The following ASB2 variants were observed in gnomAD, a reference collection of about 807,000 sequenced individuals.
The protein encoded by ASB2 is ankyrin repeat and SOCS box containing 2, also known as ankyrin repeat and SOCS box protein 2.
A neutral mutation model predicts 62.4 loss-of-function variants in ASB2; 58 were observed. The ratio of observed to expected loss-of-function variants is 0.93; its 90% CI spans 0.75 to 1.16. ASB2 has a LOEUF of 1.16. Among genes scored for constraint, ASB2 ranks in the 50% most tolerant of loss-of-function variants. The pLI, the probability that ASB2 is intolerant of heterozygous loss-of-function variation, is 0.00. For missense variants in ASB2, 928 were observed against 887.9 expected, an observed-to-expected ratio of 1.05 and a Z score of -0.57; for synonymous variants, 386 against 385.3, an observed-to-expected ratio of 1.00 and a Z score of -0.02.
At chr14:93,967,957 T>C (rs779205457) in intron 1 of ASB2, among the ~76,000 whole-genome samples, 2 of 152,212 alleles carry the variant, frequency 1.3e-5, no homozygotes, top group Non-Finnish European at 2.9e-5. Context: ...GATAAGCTAC[T>C]TCGCTATGCT....
At chr14:93,952,445 C>A (rs546252995) in intron 5 of ASB2, among the ~76,000 whole-genome samples, 16 of 152,306 alleles carry the variant, frequency 1.1e-4, no homozygotes, top group Admixed American at 7.2e-4. Context: ...TCCTGCTGCC[C>A]AAGCTGTTCC....
At chr14:93,948,865 G>C (rs748571317) in intron 6 of ASB2, among the ~76,000 whole-genome samples, 3 of 152,250 alleles carry the variant, frequency 2.0e-5, no homozygotes, top group Non-Finnish European at 4.4e-5. Flanking sequence ...GAGCCCAGGA[G>C]GTTGATATAG....
At chr14:93,968,341 C>T (rs1483009697) in intron 1 of ASB2, 1 of 152,226 alleles carries the variant, frequency 6.6e-6, no homozygotes, top group African/African-American at 2.4e-5. Flanking sequence ...TCCTCTACAG[C>T]CCCTCTCCTT....
intron 6 of ASB2, among the ~76,000 whole-genome samples, 169 bp from the exon 7 acceptor site, chr14:93,947,689 T>G (rs1212793491): frequency 6.6e-6 from 1 of 152,014 alleles, no homozygotes; most frequent in Admixed American, 6.6e-5. Flanking sequence ...CCAGCTTCTT[T>G]CAACAACATC....
At chr14:93,941,822 AGTTATGTG>A in intron 7 of ASB2, 6 of 393,782 alleles carry the variant, frequency 1.5e-5, no homozygotes, top group South Asian at 1.1e-4. Flanking sequence ...GCATTGTCTC[AGTTATGTG>A]GTGAATCATC....
intron 2 of ASB2, chr14:93,957,090 T>C (rs1202755500): frequency 7.0e-7 from 1 of 1,434,328 alleles, no homozygotes; most frequent in African/African-American, 1.4e-5. Flanking sequence ...CCCTGGGAGA[T>C]TTAAATGACC....
chr14:93,937,371 C>T (rs1178448548), intron 9 of ASB2, among the ~76,000 whole-genome samples: 2 of 152,182 alleles, frequency 1.3e-5, no homozygotes, highest in African/African-American at 4.8e-5. Context: ...CTTGGTGGCC[C>T]CAAATCATTC....
rs1165300349 is a variant in ASB2 at position 93,934,805 on chromosome 14, G to A, written c.1772-13C>T. ...GGTCTTGGAGGTTCTGAAAAAAGGAGGGAAAGACAGAGGCTGATTTGTCAT... is the reference window on the plus strand; with the variant it reads ...GGTCTTGGAGGTTCTGAAAAAAGGAAGGAAAGACAGAGGCTGATTTGTCAT... On this transcript the variant is annotated splice_polypyrimidine_tract_variant and intron_variant, in intron 9 of 9. Transcript: ENST00000555019. The A allele has an allele frequency of 6.2e-7, 1 of 1,610,302 alleles. No individual in the cohort carries two copies. The highest frequency in any genetic ancestry group is 2.2e-5 in the East Asian group (1 of 44,868).
At chr14:93,951,775 G>A (rs966324957) in intron 5 of ASB2, among the ~76,000 whole-genome samples, 3 of 152,224 alleles carry the variant, frequency 2.0e-5, no homozygotes, top group African/African-American at 7.2e-5. Context: ...TCTAGATGAG[G>A]AGTCAGCGGT....
intron 7 of ASB2, chr14:93,940,108 GC>G (rs1888460956): frequency 6.1e-6 from 1 of 164,864 alleles, no homozygotes; most frequent in South Asian, 2.0e-4. Context: ...TGCCTGGAAG[GC>G]CCCCAAACCC....
At chr14:93,945,165 G>A (rs571556306) in intron 7 of ASB2, among the ~76,000 whole-genome samples, 69 of 152,332 alleles carry the variant, frequency 4.5e-4, no homozygotes, top group Non-Finnish European at 4.9e-4. Context: ...TAGCCCAGAG[G>A]GACATGGATG....
chr14:93,960,917 T>C (rs1488258729), intron 2 of ASB2, among the ~76,000 whole-genome samples: 1 of 151,596 alleles, frequency 6.6e-6, no homozygotes, highest in African/African-American at 2.4e-5. Context: ...ATTAGGTAGC[T>C]ACAATGATCC....
intron 6 of ASB2, among the ~76,000 whole-genome samples, chr14:93,949,062 G>A (rs975902686): frequency 1.3e-5 from 2 of 152,228 alleles, no homozygotes; most frequent in African/African-American, 4.8e-5. Flanking sequence ...CTCGGGCAGG[G>A]GGTGAGGGGG....
rs561987527 is a variant in ASB2, at chr14:93,974,718, T to C, written c.-74+1716A>G. 8.5e-5 allele frequency among the ~76,000 whole-genome samples: 13 copies of C among 152,334 alleles called. No homozygotes were observed. In the East Asian group the frequency reaches 2.5e-3, roughly 29 times the overall value. ...AGCCGTCCAGCCTTAAGCAAGACTT[T>C]TAAGCTCTCATAACCTGTTTCCAGA... is the stretch of plus-strand genomic sequence containing the variant. On this transcript the variant is annotated intron_variant, in intron 1 of 9. Coordinates refer to ENST00000555019, the MANE Select transcript of ASB2 (RefSeq NM_001202429.2).
intron 1 of ASB2, among the ~76,000 whole-genome samples, chr14:93,965,634 C>G (rs1257571732): frequency 6.6e-6 from 1 of 152,186 alleles, no homozygotes; most frequent in Non-Finnish European, 1.5e-5. Context: ...GGTTCTTGGT[C>G]CTGGCTGAAC....
intron 6 of ASB2, chr14:93,948,382 G>A (rs1057281437): frequency 2.6e-5 from 4 of 153,886 alleles, no homozygotes; most frequent in Non-Finnish European, 2.9e-5. Flanking sequence ...CCTGAGAGAG[G>A]CCTCACAGGT....
intron 1 of ASB2, among the ~76,000 whole-genome samples, chr14:93,971,629 G>A (rs1005283416): frequency 6.6e-6 from 1 of 152,154 alleles, no homozygotes; most frequent in Non-Finnish European, 1.5e-5. Context: ...CACTGCAGCA[G>A]GTATGGGGAG....
chr14:93,950,591 G>A (rs943402804), intron 6 of ASB2, among the ~76,000 whole-genome samples: 2 of 152,164 alleles, frequency 1.3e-5, no homozygotes, highest in Non-Finnish European at 2.9e-5. Context: ...GTGATGTGGT[G>A]GAAAGAGAAG....
intron 1 of ASB2, among the ~76,000 whole-genome samples, chr14:93,967,747 C>T (rs1471000350): frequency 6.6e-6 from 1 of 152,136 alleles, no homozygotes; most frequent in Admixed American, 6.6e-5. Flanking sequence ...CTGGGGATCC[C>T]CTATGGCCGT....
Sources: gnomAD v4.1 joint callset for allele counts (sites outside exome capture counted in the v4.1 genomes callset) on GRCh38, gnomAD v4.1.1 for gene constraint, MANE v1.5 for transcripts, NCBI Gene and HGNC (gene_info 2026-07-23, HGNC 2026-07-21) for gene names.